ANKRD26: variants seen among roughly 807,000 people sequenced by gnomAD.
The protein encoded by ANKRD26 is ankyrin repeat domain 26, also known as ankyrin repeat domain-containing protein 26.
Under a neutral mutation model 208.7 loss-of-function variants are expected in ANKRD26, and 141 were observed. That is an observed-to-expected ratio of 0.68 (90% CI 0.59 to 0.78). The LOEUF (loss-of-function observed/expected upper bound fraction) is 0.78, where lower values mean the gene tolerates loss of function less well. Ranked by LOEUF, ANKRD26 falls within the 30% of genes least tolerant of loss-of-function variation. ANKRD26 has a pLI of 0.00. For missense variants in ANKRD26, 1,889 were observed against 1,938.7 expected (o/e 0.97, Z 0.48); for synonymous variants, 636 against 660.4 (o/e 0.96, Z 0.57).
At chr10:27,059,542 A>G (rs1240275574) in intron 15 of ANKRD26, among the ~76,000 whole-genome samples, 1 of 152,232 alleles carries the variant, frequency 6.6e-6, no homozygotes, top group Non-Finnish European at 1.5e-5. Flanking sequence ...AATTTTTAAT[A>G]GCATAAAAGG....
chr10:26,952,510 TTGAAA>T, the ANKRD26 span, among the ~76,000 whole-genome samples: 2 of 152,144 alleles, frequency 1.3e-5, no homozygotes, highest in African/African-American at 4.8e-5. Flanking sequence ...TTGACATTTA[TTGAAA>T]TAATTATTTG....
chr10:26,981,323 C>A (rs536256802), intron 4 of ANKRD26, among the ~76,000 whole-genome samples: 1 of 152,290 alleles, frequency 6.6e-6, no homozygotes, highest in Non-Finnish European at 1.5e-5. Flanking sequence ...ACAAAGGCAT[C>A]CTGAGGATTT....
chr10:27,035,865 G>T, intron 23 of ANKRD26, 113 bp from the exon 24 acceptor site: 4 of 787,662 alleles, frequency 5.1e-6, no homozygotes, highest in East Asian at 2.7e-5. Context: ...TGCAATAAGT[G>T]TATATCCAAT....
chr10:27,024,132 AAGAG>A (rs2135055714), intron 28 of ANKRD26, among the ~76,000 whole-genome samples: 1 of 152,330 alleles, frequency 6.6e-6, no homozygotes, highest in South Asian at 2.1e-4. Flanking sequence ...GACACTACCA[AAGAG>A]AGAAAGATTA....
At chr10:27,055,768 T>C (rs4747583) in intron 15 of ANKRD26, among the ~76,000 whole-genome samples, 15,834 of 152,178 alleles carry the variant, frequency 0.1, 1,105 homozygotes, top group East Asian at 0.28. Context: ...TTCCCACTAA[T>C]ACGGGGCAGT....
In ANKRD26 at chr10:27,100,233, C is replaced by A; in HGVS notation, c.94G>T (p.Glu32Ter). 1.2e-6 allele frequency: 2 copies of A among 1,612,316 alleles called. No homozygotes were observed. Among genetic ancestry groups the A allele is most frequent in the Non-Finnish European group, 8.5e-7 (1 of 1,179,774 alleles). Residue 32 changes from glutamate to a stop codon, truncating the protein, a stop_gained, in exon 1 of 34, where the codon GAG becomes TAG. Coordinates refer to ENST00000376087, the MANE Select transcript of ANKRD26 (RefSeq NM_014915.3). LOFTEE classifies it high-confidence loss of function. Reference sequence around the variant, plus strand: ...TAGCCGGGCTGCGAGTAGGCGCCCTCCCCCGGCTCGCCCCCGCCTCCCGCG... The same window carrying A: ...TAGCCGGGCTGCGAGTAGGCGCCCTACCCCGGCTCGCCCCCGCCTCCCGCG... Reference protein sequence around the residue: ...SSAGGGGEPGEGAYSQPGYHV... With the variant: ...SSAGGGGEPG
chr10:27,016,753 G>A (rs1230534112), intron 30 of ANKRD26, among the ~76,000 whole-genome samples: 3 of 151,918 alleles, frequency 2.0e-5, no homozygotes, highest in Admixed American at 6.6e-5. Context: ...TAAAATGGTT[G>A]TGTTTAATTA....
At chr10:27,030,436 GA>G in intron 25 of ANKRD26, 4 of 985,364 alleles carry the variant, frequency 4.1e-6, no homozygotes, top group Non-Finnish European at 4.8e-6. Context: ...ACTCTGCTGC[GA>G]AACAAGGTTC....
intron 32 of ANKRD26, among the ~76,000 whole-genome samples, chr10:27,009,064 C>T (rs1344640439): frequency 6.6e-6 from 1 of 152,208 alleles, no homozygotes; most frequent in East Asian, 1.9e-4. Context: ...TGGTCTCAAA[C>T]TCCTGACCTC....
Position 27,012,934 on chromosome 10 carries a change from G to T in ANKRD26, c.4901C>A (p.Ser1634Tyr), listed in dbSNP as rs915022204. Residue 1634 changes from serine to tyrosine, a missense_variant, in exon 32 of 34, where the codon TCT becomes TAT. Ser to Tyr is a moderately radical substitution (Grantham distance 144, BLOSUM62 -2). Coordinates refer to ENST00000376087, the MANE Select transcript of ANKRD26 (RefSeq NM_014915.3). ...ATTTGAAGCCCGTGGATTTGAGGTA[G>T]AGATCACTAAGTTTTCTCTTGGAAT... ...KLIPRENLVI[S>Y]TSNPRASNNS... The T allele has an allele frequency of 4.3e-6, 7 of 1,613,980 alleles. No homozygotes were observed. The African/African-American group carries it at 9.3e-5, about 22-fold the overall frequency.
rs779682655 is a variant in ANKRD26, at chr10:27,034,909, C to T, written c.3541G>A (p.Glu1181Lys). 3.1e-6 allele frequency: 5 copies of T among 1,613,906 alleles called. No individual in the cohort carries two copies. The South Asian group carries it at 5.5e-5, about 18-fold the overall frequency. Reference protein sequence around the residue: ...FHAIVQKLQAESEKQSLLLEE... With the variant: ...FHAIVQKLQAKSEKQSLLLEE... The stretch of plus-strand genomic sequence containing the variant: ...AGCAGAAGACTTTGCTTTTCACTCT[C>T]AGCTTGAAGTTTTTGCACAATAGCA... The change falls in exon 24 of 34, where the codon GAG becomes AAG. Residue 1181 changes from glutamate to lysine, a missense_variant. Coordinates refer to ENST00000376087, the MANE Select transcript of ANKRD26 (RefSeq NM_014915.3).
chr10:27,034,545 C>A (rs1189413474), intron 24 of ANKRD26, among the ~76,000 whole-genome samples: 1 of 152,138 alleles, frequency 6.6e-6, no homozygotes, highest in African/African-American at 2.4e-5. Context: ...ACATTATTCA[C>A]ATTAGTTTAC....
chr10:27,049,349 G>A (rs1440802526), intron 16 of ANKRD26, among the ~76,000 whole-genome samples: 1 of 152,132 alleles, frequency 6.6e-6, no homozygotes, highest in Non-Finnish European at 1.5e-5. Context: ...AAAGACACAA[G>A]ATGCATCTTC....
chr10:26,964,059 G>C, the ANKRD26 span, among the ~76,000 whole-genome samples: 3 of 151,202 alleles, frequency 2.0e-5, no homozygotes, highest in Non-Finnish European at 1.5e-5. Flanking sequence ...GATTACAGGC[G>C]CACCACCACA....
the ANKRD26 span, among the ~76,000 whole-genome samples, chr10:26,961,504 G>T: frequency 4.6e-5 from 7 of 152,170 alleles, no homozygotes; most frequent in East Asian, 1.4e-3. Flanking sequence ...GGACCATCCT[G>T]GGTGAGTTAC....
At chr10:26,972,759 T>A (rs562342189), downstream of ANKRD26, among the ~76,000 whole-genome samples, 17 of 151,764 alleles carry the variant, frequency 1.1e-4, no homozygotes, top group Non-Finnish European at 2.1e-4. Context: ...CCCGGCTAAT[T>A]TTTTGTATTT....
rs919331810 is a variant in ANKRD26 at position 27,035,620 on chromosome 10, C to A, written c.2830G>T (p.Glu944Ter). The change falls in exon 24 of 34, where the codon GAG (glutamate) becomes TAG (stop). Residue 944 changes from glutamate (E) to a stop codon, truncating the protein, a stop_gained. Transcript: ENST00000376087. LOFTEE classifies it high-confidence loss of function. The stretch of plus-strand genomic sequence containing the variant: ...TTTTCTTTTACAATTTTAAGGTCCT[C>A]AAAACATTTCTTTTCTTTTTCCTGG... Reference protein sequence around the residue: ...QNQEKEKKCFEDLKIVKEKNE... With the variant: ...QNQEKEKKCF The A allele has an allele frequency of 3.8e-6, 6 of 1,594,584 alleles. No homozygotes were observed. The African/African-American group carries it at 8.2e-5, about 22-fold the overall frequency.
chr10:27,026,735 A>G (rs1453175915), intron 27 of ANKRD26, among the ~76,000 whole-genome samples: 4 of 152,130 alleles, frequency 2.6e-5, no homozygotes, highest in Non-Finnish European at 5.9e-5. Context: ...TGGTACATCA[A>G]TAAATTGGTA....
intron 4 of ANKRD26, among the ~76,000 whole-genome samples, chr10:26,997,501 G>A (rs1033521997): frequency 1.3e-5 from 2 of 152,152 alleles, no homozygotes; most frequent in African/African-American, 2.4e-5. Flanking sequence ...AAGCAGTCCC[G>A]TTTCAAGTGT....
Sources: gnomAD v4.1 joint callset for allele counts (sites outside exome capture counted in the v4.1 genomes callset) on GRCh38, gnomAD v4.1.1 for gene constraint, MANE v1.5 for transcripts, NCBI Gene and HGNC (gene_info 2026-07-23, HGNC 2026-07-21) for gene names.